Variants in BRWD1 observed in about 807,000 individuals in gnomAD.
BRWD1 encodes bromodomain and WD repeat-containing protein 1.
BRWD1 carries 82 observed loss-of-function variants against 251.2 expected under a neutral mutation model. That is an observed-to-expected ratio of 0.33 (90% CI 0.27 to 0.39). The LOEUF (loss-of-function observed/expected upper bound fraction) is 0.39. BRWD1 is among the 10% of genes least tolerant of loss of function. BRWD1 has a pLI of 1.00. For missense variants in BRWD1, 2,233 were observed against 2,711.6 expected, an observed-to-expected ratio of 0.82 and a Z score of 3.92; for synonymous variants, 918 against 902.8, an observed-to-expected ratio of 1.02 and a Z score of -0.30.
chr21:39,201,606 C>T (rs74863886), intron 38 of BRWD1, among the ~76,000 whole-genome samples: 180 of 152,264 alleles, frequency 1.2e-3, no homozygotes, highest in African/African-American at 4.0e-3. Flanking sequence ...ATCACTAGTG[C>T]CATTTTCAAT....
intron 19 of BRWD1, among the ~76,000 whole-genome samples, chr21:39,254,540 T>C (rs565710666): frequency 4.6e-5 from 7 of 152,258 alleles, no homozygotes; most frequent in African/African-American, 1.4e-4. Context: ...CACATACAAA[T>C]TGGTCGCTGT....
Position 39,196,950 on chromosome 21 carries a change from G to C in BRWD1, c.6119C>G (p.Ala2040Gly). The change falls in exon 41 of 41, where the codon GCA becomes GGA. Residue 2040 changes from alanine to glycine, a missense_variant. By Grantham distance (60) the Ala-to-Gly change is moderately conservative (BLOSUM62 0). Transcript: ENST00000342449. ...HRHTNIHKIDAPSKRKSSSVT... is the reference protein window; with the variant it reads ...HRHTNIHKIDGPSKRKSSSVT... ...AGAGGAACTTTTTCTTTTAGAAGGT[G>C]CATCTATTTTGTGAATATTGGTATG... 1 of 1,613,902 alleles carries C rather than the reference G, an allele frequency of 6.2e-7. No homozygotes were observed. Among genetic ancestry groups the C allele is most frequent in the Non-Finnish European group, 8.5e-7 (1 of 1,179,908 alleles).
Position 39,202,482 on chromosome 21 carries a change from A to G in BRWD1, c.4428T>C (p.Pro1476=). The change falls in exon 38 of 41, where the codon CCT becomes CCC. Residue 1476 remains proline (P), a synonymous_variant. Transcript: ENST00000342449. ...TKIIPELVGS[P]TQSTSSRTAY... ...CTGTCCTACTTGAGGTAGACTGGGTAGGAGAACCTACCAACTCAGGAATTA... is the reference window on the plus strand; with the variant it reads ...CTGTCCTACTTGAGGTAGACTGGGTGGGAGAACCTACCAACTCAGGAATTA... The G allele has an allele frequency of 2.5e-6, 4 of 1,614,008 alleles. No homozygotes were observed. Among genetic ancestry groups the G allele is most frequent in the Non-Finnish European group, 3.4e-6 (4 of 1,179,898 alleles).
At chr21:39,207,433 A>G (rs1314034984) in intron 36 of BRWD1, among the ~76,000 whole-genome samples, 1 of 136,392 alleles carries the variant, frequency 7.3e-6, no homozygotes, top group Non-Finnish European at 1.6e-5. Context: ...GCTCAAAAAA[A>G]AAAAAGAAAA....
At chr21:39,301,027 A>G (rs987008994) in intron 4 of BRWD1, among the ~76,000 whole-genome samples, 9 of 152,086 alleles carry the variant, frequency 5.9e-5, no homozygotes, top group African/African-American at 2.2e-4. Flanking sequence ...AAATACAAAA[A>G]AATTAGCCAG....
In BRWD1 at chr21:39,224,418, A is replaced by G; in HGVS notation, c.3372T>C (p.Ile1124=). 6.3e-7 allele frequency: 1 copy of G among 1,580,478 alleles called. No individual in the cohort carries two copies. The highest frequency in any genetic ancestry group is 8.6e-7 in the Non-Finnish European group (1 of 1,156,636). The change falls in exon 29 of 41, where the codon ATT becomes ATC. Residue 1124 remains isoleucine (I), a synonymous_variant. Transcript: ENST00000342449. ...AACAAATATATATACCATTATCAGG[A>G]ATTGGTTCCATGTCCCATGGGCTAA... ...EKLSPWDMEP[I]PDNVDPPEEL...
rs1301125400 is a variant in BRWD1 at position 39,186,329 on chromosome 21, C to G, written c.*9930G>C. ...TATATATTCCCTGAATTAGTCATATCAAGTGGTCATTCAGTATGAACTGCA... is the reference window on the plus strand; with the variant it reads ...TATATATTCCCTGAATTAGTCATATGAAGTGGTCATTCAGTATGAACTGCA... On this transcript the variant is annotated 3_prime_UTR_variant, in exon 41 of 41. Coordinates refer to ENST00000342449, the MANE Select transcript of BRWD1 (RefSeq NM_033656.4). 1.3e-5 allele frequency: 2 copies of G among 152,144 alleles called. No individual in the cohort carries two copies. The highest frequency in any genetic ancestry group is 3.9e-4 in the East Asian group (2 of 5,192). 9.4% of individuals were successfully genotyped at this position (152,144 alleles called of 1,614,324 possible).
At chr21:39,284,489 G>A (rs1481322633) in intron 8 of BRWD1, among the ~76,000 whole-genome samples, 1 of 152,074 alleles carries the variant, frequency 6.6e-6, no homozygotes, top group African/African-American at 2.4e-5. Context: ...GGGGGAGGCG[G>A]GAGAACCTCC....
In BRWD1 at chr21:39,188,022, T is replaced by G. The variant is rs375092743; in HGVS notation, c.*8237A>C. The G allele has an allele frequency of 6.4e-5, 63 of 984,840 alleles. No individual in the cohort carries two copies. In the African/African-American group the frequency reaches 9.8e-4, roughly 15 times the overall value. The allele number at this position is 984,840 out of a possible 1,614,324, so 61.0% of individuals were successfully genotyped here. On this transcript the variant is annotated 3_prime_UTR_variant, in exon 41 of 41. Coordinates refer to ENST00000342449, the MANE Select transcript of BRWD1 (RefSeq NM_033656.4). ...ACTAAGGCAGTTTTTAGAGGGGGCT[T>G]GAAATCACACTGGAGCTCTACACAG...
chr21:39,277,100 CTT>C (rs894591263), intron 11 of BRWD1, 149 bp downstream of exon 11: 6 of 467,086 alleles, frequency 1.3e-5, no homozygotes, highest in Non-Finnish European at 1.8e-5. Flanking sequence ...TATTTTAAAA[CTT>C]AATACCATCA....
chr21:39,313,352 G>A (rs1176843066), intron 1 of BRWD1, 53 bp from the exon 2 acceptor site: 4 of 1,494,574 alleles, frequency 2.7e-6, no homozygotes, highest in Non-Finnish European at 9.0e-7. Flanking sequence ...GGAGGGGGAC[G>A]GGGCCAGGGG....
intron 29 of BRWD1, among the ~76,000 whole-genome samples, chr21:39,220,578 T>C (rs1490083552): frequency 3.9e-5 from 6 of 152,174 alleles, no homozygotes; most frequent in Non-Finnish European, 5.9e-5. Flanking sequence ...ACATAAAATG[T>C]AAAATTATAA....
At chr21:39,234,703 T>C (rs1201957423) in intron 23 of BRWD1, among the ~76,000 whole-genome samples, 1 of 152,174 alleles carries the variant, frequency 6.6e-6, no homozygotes, top group Non-Finnish European at 1.5e-5. Context: ...AAACCTCTTG[T>C]CTTATATCCA....
chr21:39,219,152 G>A (rs935125652), intron 29 of BRWD1, among the ~76,000 whole-genome samples: 7 of 152,218 alleles, frequency 4.6e-5, no homozygotes, highest in Non-Finnish European at 1.0e-4. Context: ...CAGGCAGGGT[G>A]GCTGACGCCT....
rs1400985267 is a variant in BRWD1, at chr21:39,185,937, A to C, written c.*10322T>G. Reference sequence around the variant, plus strand: ...TTAATTTCAACAAATACATATTAACAACAAATTAAATCCTATTGTAAATAC... The same window carrying C: ...TTAATTTCAACAAATACATATTAACCACAAATTAAATCCTATTGTAAATAC... On this transcript the variant is annotated 3_prime_UTR_variant, in exon 41 of 41. Transcript: ENST00000342449. 1 of 152,204 alleles carries C rather than the reference A, an allele frequency of 6.6e-6. No individual in the cohort carries two copies. The highest frequency in any genetic ancestry group is 1.5e-5 in the Non-Finnish European group (1 of 68,008). 9.4% of individuals were successfully genotyped at this position (152,204 alleles called of 1,614,324 possible). A position where few individuals can be genotyped will look rare whatever the true frequency, so the allele number is the denominator to read the frequency against.
At chr21:39,318,709 G>A (rs2036721330), upstream of BRWD1, among the ~76,000 whole-genome samples, 2 of 152,122 alleles carry the variant, frequency 1.3e-5, no homozygotes. Context: ...CAGTGGTACA[G>A]TCAGAGCTCA....
chr21:39,204,814 A>G lies in BRWD1; in HGVS notation c.4364+1294T>C, dbSNP rs898724414. Among the ~76,000 whole-genome samples, 5 of 152,264 alleles carry G rather than the reference A, an allele frequency of 3.3e-5. No individual in the cohort carries two copies. In the South Asian group the frequency reaches 8.3e-4, roughly 25 times the overall value. ...ACCTGGATCCCTCGCATGCAGTTAC[A>G]AAAAGGTTCCTGCTCCTATGAAAAT... On this transcript the variant is annotated intron_variant, in intron 37 of 40. Transcript: ENST00000342449.
chr21:39,312,218 ATTGTG>A (rs1464792001), intron 4 of BRWD1, among the ~76,000 whole-genome samples: 1 of 152,202 alleles, frequency 6.6e-6, no homozygotes, highest in Admixed American at 6.5e-5. Context: ...AAAGCACTTT[ATTGTG>A]TTATCTACAA....
intron 39 of BRWD1, among the ~76,000 whole-genome samples, 172 bp downstream of exon 39, chr21:39,200,047 C>T (rs1237356813): frequency 1.3e-5 from 2 of 152,218 alleles, no homozygotes; most frequent in African/African-American, 4.8e-5. Flanking sequence ...GCCACCGCAC[C>T]CAGCCTTTTC....
Sources: gnomAD v4.1 joint callset for allele counts (sites outside exome capture counted in the v4.1 genomes callset) on GRCh38, gnomAD v4.1.1 for gene constraint, MANE v1.5 for transcripts, NCBI Gene and HGNC (gene_info 2026-07-23, HGNC 2026-07-21) for gene names.